Variants in CLIC6 observed in about 807,000 individuals in gnomAD.
CLIC6 encodes CLIC family member 6.
A neutral mutation model predicts 49.2 loss-of-function variants in CLIC6; 39 were observed. That is an observed-to-expected ratio of 0.79 (90% CI 0.61 to 1.04). The LOEUF (loss-of-function observed/expected upper bound fraction) is 1.04. Ranked by LOEUF, CLIC6 falls within the 50% of genes least tolerant of loss-of-function variation. The probability of loss-of-function intolerance (pLI) is 0.00; values close to 1 mark genes in which losing one functional copy is unlikely to be tolerated. For missense variants in CLIC6, 988 were observed against 993.1 expected, an observed-to-expected ratio of 0.99 and a Z score of 0.07; for synonymous variants, 446 against 433.4, an observed-to-expected ratio of 1.03 and a Z score of -0.36.
intron 1 of CLIC6, among the ~76,000 whole-genome samples, 173 bp from the exon 2 acceptor site, chr21:34,707,107 C>T (rs59363284): frequency 0.012 from 1,888 of 152,156 alleles, 45 homozygotes; most frequent in African/African-American, 0.044. Flanking sequence ...CTCCCCTAAC[C>T]CCTACATCCA....
At position 34,670,552 on chromosome 21, in the gene CLIC6, G is replaced by T; in HGVS notation, c.1164G>T (p.Gly388=). 2 of 1,499,926 alleles carry T rather than the reference G, an allele frequency of 1.3e-6. No homozygotes were observed. The highest frequency in any genetic ancestry group is 8.9e-7 in the Non-Finnish European group (1 of 1,125,252). 92.9% of individuals were successfully genotyped at this position (1,499,926 alleles called of 1,614,324 possible). A position where few individuals can be genotyped will look rare whatever the true frequency, so the allele number is the denominator to read the frequency against. Residue 388 remains glycine, a synonymous_variant, in exon 1 of 6, where the codon GGG becomes GGT. Coordinates refer to ENST00000349499, the MANE Select transcript of CLIC6 (RefSeq NM_053277.3). ...GGCCAAGGGAGGAGGAAGCAGCGGGGGGCGAAGAGGAATCCCCCGACAGCA... is the reference window on the plus strand; with the variant it reads ...GGCCAAGGGAGGAGGAAGCAGCGGGTGGCGAAGAGGAATCCCCCGACAGCA... The part of the protein sequence containing the change: ...PEGPREEEAA[G]GEEESPDSSP...
chr21:34,672,772 C>A (rs1218193326), intron 1 of CLIC6, among the ~76,000 whole-genome samples: 1 of 152,176 alleles, frequency 6.6e-6, no homozygotes, highest in African/African-American at 2.4e-5. Context: ...GCCGTGTGAC[C>A]TTGGGCAAGT....
intron 5 of CLIC6, 25 bp downstream of exon 5, chr21:34,709,563 T>G: frequency 1.2e-6 from 2 of 1,602,524 alleles, no homozygotes; most frequent in Non-Finnish European, 8.5e-7. Flanking sequence ...CCGACACGTG[T>G]GCCGAGTACA....
At chr21:34,701,308 CAAAAA>C (rs763844976) in intron 1 of CLIC6, among the ~76,000 whole-genome samples, 1 of 49,570 alleles carries the variant, frequency 2.0e-5, no homozygotes, top group Non-Finnish European at 3.8e-5. Context: ...GGCTCCGTCT[CAAAAA>C]AAAAAAAAAA....
chr21:34,709,245 T>A, intron 4 of CLIC6, 112 bp from the exon 5 acceptor site: 1 of 887,876 alleles, frequency 1.1e-6, no homozygotes. Context: ...CCAGCACCCA[T>A]TGCTTGCTGG....
At chr21:34,713,073 C>T (rs1269232001) in intron 5 of CLIC6, among the ~76,000 whole-genome samples, 1 of 151,972 alleles carries the variant, frequency 6.6e-6, no homozygotes, top group African/African-American at 2.4e-5. Flanking sequence ...AGATCTGCCT[C>T]ATTCAAAGAA....
chr21:34,708,861 G>A, intron 4 of CLIC6, 55 bp downstream of exon 4: 2 of 1,256,360 alleles, frequency 1.6e-6, no homozygotes, highest in African/African-American at 1.5e-5. Context: ...GTCTTAGCAT[G>A]GCGGCCCATA....
Position 34,670,250 on chromosome 21 carries a change from A to G in CLIC6, c.862A>G (p.Arg288Gly), listed in dbSNP as rs1442486781. The change falls in exon 1 of 6, where the codon AGG becomes GGG. Residue 288 changes from arginine (R) to glycine (G), a missense_variant. This residue lies in a region of CLIC6 where 647 missense variants were observed against 596.9 expected (regional missense o/e 1.08). Transcript: ENST00000349499. ...DSMDAEGPAGRARRVSGEPQQ... is the reference protein window; with the variant it reads ...DSMDAEGPAGGARRVSGEPQQ... ...CATGGACGCCGAGGGTCCGGCAGGAAGGGCGCGCCGGGTCTCGGGTGAGCC... is the reference window on the plus strand; with the variant it reads ...CATGGACGCCGAGGGTCCGGCAGGAGGGGCGCGCCGGGTCTCGGGTGAGCC... 7.0e-7 allele frequency: 1 copy of G among 1,427,338 alleles called. No homozygotes were observed. The highest frequency in any genetic ancestry group is 2.9e-5 in the Admixed American group (1 of 34,852). 88.4% of individuals were successfully genotyped at this position (1,427,338 alleles called of 1,614,324 possible).
In CLIC6 at chr21:34,669,219, C is replaced by T. The variant is rs1361998784; in HGVS notation, c.-170C>T. 6.6e-6 allele frequency among the ~76,000 whole-genome samples: 1 copy of T among 152,166 alleles called. No individual in the cohort carries two copies. Among genetic ancestry groups the T allele is most frequent in the East Asian group, 1.9e-4 (1 of 5,182 alleles). On this transcript the variant is annotated 5_prime_UTR_variant, in exon 1 of 6. Transcript: ENST00000349499. ...TTGGGGCCAAGCGGAGTTTGCCCTG[C>T]GGGTCCTGCGCAAGGCCCCAGTGCC...
intron 1 of CLIC6, among the ~76,000 whole-genome samples, chr21:34,699,248 TG>T (rs1990143760): frequency 6.6e-6 from 1 of 151,848 alleles, no homozygotes; most frequent in South Asian, 2.1e-4. Context: ...TGTCATGTTT[TG>T]TTTTGTTTTG....
At chr21:34,687,909 T>C (rs1307465132) in intron 1 of CLIC6, among the ~76,000 whole-genome samples, 2 of 152,202 alleles carry the variant, frequency 1.3e-5, no homozygotes, top group African/African-American at 4.8e-5. Context: ...GCTCCTTTTA[T>C]GGCCTGGAAT....
chr21:34,711,111 A>C (rs992663475), intron 5 of CLIC6, among the ~76,000 whole-genome samples: 3 of 152,226 alleles, frequency 2.0e-5, no homozygotes, highest in Non-Finnish European at 2.9e-5. Context: ...GGGCATTTTT[A>C]TGATTAAAAT....
intron 1 of CLIC6, among the ~76,000 whole-genome samples, chr21:34,678,578 G>T (rs8133066): frequency 1.3e-5 from 2 of 152,106 alleles, no homozygotes; most frequent in Middle Eastern, 3.2e-3. Flanking sequence ...GAACTGGCAG[G>T]TTCTTTCACA....
intron 5 of CLIC6, among the ~76,000 whole-genome samples, chr21:34,715,543 G>A (rs973809876): frequency 9.2e-5 from 14 of 152,138 alleles, no homozygotes; most frequent in Non-Finnish European, 1.8e-4. Flanking sequence ...CCCAGAACTA[G>A]GAATCAGTAA....
intron 1 of CLIC6, among the ~76,000 whole-genome samples, chr21:34,705,499 C>A (rs2056008269): frequency 6.6e-6 from 1 of 152,152 alleles, no homozygotes; most frequent in Non-Finnish European, 1.5e-5. Context: ...TGTCCACCTT[C>A]CACCCTTCAG....
chr21:34,686,937 C>A (rs183194568), intron 1 of CLIC6, among the ~76,000 whole-genome samples: 1 of 152,224 alleles, frequency 6.6e-6, no homozygotes, highest in African/African-American at 2.4e-5. Context: ...GAGTAACCTT[C>A]GTCAGTGCCA....
chr21:34,706,657 A>G (rs191920122), intron 1 of CLIC6, among the ~76,000 whole-genome samples: 2 of 152,188 alleles, frequency 1.3e-5, no homozygotes, highest in Non-Finnish European at 2.9e-5. Context: ...TTTGCCCTCT[A>G]CCTACCCTGA....
intron 1 of CLIC6, among the ~76,000 whole-genome samples, chr21:34,679,498 A>G (rs963336757): frequency 1.3e-5 from 2 of 152,164 alleles, no homozygotes; most frequent in Non-Finnish European, 2.9e-5. Flanking sequence ...AAACACAATC[A>G]TGCCCCTCCA....
In CLIC6 at chr21:34,716,833, C is replaced by CTCAA. The variant is rs1232410910; in HGVS notation, c.*353_*354insAATC. 1.0e-5 allele frequency: 1 copy of CTCAA among 97,108 alleles called. No homozygotes were observed. Among genetic ancestry groups the CTCAA allele is most frequent in the Non-Finnish European group, 1.9e-5 (1 of 53,550 alleles). 6.0% of individuals were successfully genotyped at this position (97,108 alleles called of 1,614,324 possible). ...TGTTCCAAATCTTCAGTATCTTGTT[C>CTCAA]TCTCTCTCTCTCTCTCTCTCTCTCT... On this transcript the variant is annotated 3_prime_UTR_variant, in exon 6 of 6. Coordinates refer to ENST00000349499, the MANE Select transcript of CLIC6 (RefSeq NM_053277.3).
Sources: allele counts gnomAD v4.1 joint callset (sites outside exome capture counted in the v4.1 genomes callset), GRCh38; gene constraint gnomAD v4.1.1; regional missense constraint gnomAD v4.1.1; transcripts MANE v1.5; gene names NCBI Gene and HGNC (gene_info 2026-07-23, HGNC 2026-07-21).